Variants in PDK1 observed in about 807,000 individuals in gnomAD.
PDK1 encodes the protein [Pyruvate dehydrogenase (acetyl-transferring)] kinase isozyme 1, mitochondrial.
PDK1 carries 39 observed loss-of-function variants against 54.2 expected under a neutral mutation model. That is an observed-to-expected ratio of 0.72 (90% CI 0.56 to 0.94). The LOEUF (loss-of-function observed/expected upper bound fraction) is 0.94, where lower values mean the gene tolerates loss of function less well. Ranked by LOEUF, PDK1 falls within the 40% of genes least tolerant of loss-of-function variation. The pLI is 0.00. For synonymous variants in PDK1, 221 were observed against 207.1 expected (o/e 1.07, Z -0.58); for missense variants, 552 against 566.0 (o/e 0.98, Z 0.25).
intron 8 of PDK1, among the ~76,000 whole-genome samples, chr2:172,575,867 T>A (rs1350337008): frequency 1.3e-5 from 2 of 152,160 alleles, no homozygotes; most frequent in Non-Finnish European, 2.9e-5. Context: ...ATACATTTGA[T>A]ATCTATTTAG....
the PDK1 span, among the ~76,000 whole-genome samples, chr2:172,662,493 C>CGTGTGTGTGTGTGTGTGTGTGT: frequency 0.073 from 10,519 of 143,452 alleles, 577 homozygotes; most frequent in Middle Eastern, 0.11. Flanking sequence ...TTTTTAAAAT[C>CGTGTGTGTGTGTGTGTGTGTGT]GTGTGTGTGT....
chr2:172,565,591 G>A lies in PDK1; in HGVS notation c.691+518G>A, dbSNP rs146329516. On this transcript the variant is annotated intron_variant, in intron 5 of 10. Transcript: ENST00000282077. The stretch of plus-strand genomic sequence containing the variant: ...GCTGGGATTACAGGCGTGAGCCACC[G>A]AGCCCAGCTGAGGGTATCTTTCACT... 1.2e-3 allele frequency among the ~76,000 whole-genome samples: 189 copies of A among 152,144 alleles called. 1 individual carries two copies. The highest frequency in any genetic ancestry group is 4.3e-3 in the African/African-American group (177 of 41,500).
intron 5 of PDK1, 110 bp from the exon 6 acceptor site, chr2:172,566,746 C>A: frequency 1.0e-4 from 35 of 342,826 alleles, no homozygotes; most frequent in Non-Finnish European, 1.3e-4. Flanking sequence ...AGTATATTTT[C>A]TTCTGTAGAG....
chr2:172,664,703 A>T, the PDK1 span, among the ~76,000 whole-genome samples: 1 of 151,430 alleles, frequency 6.6e-6, no homozygotes, highest in Non-Finnish European at 1.5e-5. Flanking sequence ...CATGTCTGCT[A>T]CTCTTCTTCT....
At chr2:172,611,493 A>T (rs1691459586), downstream of PDK1, among the ~76,000 whole-genome samples, 1 of 152,356 alleles carries the variant, frequency 6.6e-6, no homozygotes, top group East Asian at 1.9e-4. Context: ...TGTAAAAAAA[A>T]ATTAATGTTG....
Position 172,570,818 on chromosome 2 carries a change from T to C in PDK1, c.939T>C (p.Thr313=), listed in dbSNP as rs2149231187. 5 of 1,583,724 alleles carry C rather than the reference T, an allele frequency of 3.2e-6. No homozygotes were observed. Among genetic ancestry groups the C allele is most frequent in the Non-Finnish European group, 4.3e-6 (5 of 1,154,866 alleles). The part of the protein sequence containing the change: ...VHVTLGNEDL[T]VKMSDRGGGV... Reference sequence around the variant, plus strand: ...TCACGCTGGGTAATGAGGATTTGACTGTGAAGGTAAATGTGTTTAATGGTT... The same window carrying C: ...TCACGCTGGGTAATGAGGATTTGACCGTGAAGGTAAATGTGTTTAATGGTT... The change falls in exon 8 of 11, where the codon ACT becomes ACC. Residue 313 remains threonine (T), a synonymous_variant. Coordinates refer to ENST00000282077, the MANE Select transcript of PDK1 (RefSeq NM_002610.5).
At chr2:172,615,814 G>GAA in the PDK1 span, among the ~76,000 whole-genome samples, 1 of 152,174 alleles carries the variant, frequency 6.6e-6, no homozygotes, top group African/African-American at 2.4e-5. Flanking sequence ...CAAGGTTAGG[G>GAA]AAGTAGAGCT....
chr2:172,650,678 A>T, the PDK1 span, among the ~76,000 whole-genome samples: 1 of 152,218 alleles, frequency 6.6e-6, no homozygotes, highest in Non-Finnish European at 1.5e-5. Context: ...AGGGGTTGCA[A>T]TCCTAGTCTC....
chr2:172,703,498 C>T, the PDK1 span, among the ~76,000 whole-genome samples: 2 of 152,102 alleles, frequency 1.3e-5, no homozygotes, highest in African/African-American at 4.8e-5. Flanking sequence ...AGCCTTGAGT[C>T]CCTGTCCTTC....
At chr2:172,570,618 C>T (rs1363913116) in intron 7 of PDK1, 108 bp from the exon 8 acceptor site, 20 of 540,898 alleles carry the variant, frequency 3.7e-5, no homozygotes, top group Non-Finnish European at 6.1e-5. Context: ...GATTCTTTGG[C>T]ATATTTCCAT....
At chr2:172,646,769 C>CTTTTTTT in the PDK1 span, among the ~76,000 whole-genome samples, 1 of 48,388 alleles carries the variant, frequency 2.1e-5, no homozygotes, top group East Asian at 3.4e-4. Context: ...TAGAGTTTTG[C>CTTTTTTT]TCATGTTACC....
chr2:172,587,527 C>G (rs980083687), intron 9 of PDK1, among the ~76,000 whole-genome samples: 1 of 152,012 alleles, frequency 6.6e-6, no homozygotes, highest in Non-Finnish European at 1.5e-5. Context: ...AAGCTGCAGA[C>G]CTTCGCGGTG....
chr2:172,703,975 T>C, the PDK1 span, among the ~76,000 whole-genome samples: 2 of 151,930 alleles, frequency 1.3e-5, no homozygotes, highest in Non-Finnish European at 2.9e-5. Context: ...GGTTTCACCA[T>C]GTTAGCTAGG....
intron 8 of PDK1, among the ~76,000 whole-genome samples, chr2:172,581,676 C>T (rs970183984): frequency 1.2e-4 from 18 of 152,136 alleles, no homozygotes; most frequent in African/African-American, 3.6e-4. Flanking sequence ...TTTCTTCAGT[C>T]GAGCTTTGAT....
chr2:172,555,584 G>A (rs2149165452), upstream of PDK1: 1 of 152,352 alleles, frequency 6.6e-6, no homozygotes, highest in South Asian at 2.1e-4. Context: ...TCTGACCCTG[G>A]AAAATGCGTG....
the PDK1 span, among the ~76,000 whole-genome samples, chr2:172,719,371 T>TA: frequency 0.011 from 1,702 of 152,214 alleles, 16 homozygotes; most frequent in Non-Finnish European, 0.017. Context: ...TTAGCTTTAT[T>TA]AAAAAAAACT....
At chr2:172,636,367 G>C in the PDK1 span, among the ~76,000 whole-genome samples, 1 of 152,130 alleles carries the variant, frequency 6.6e-6, no homozygotes, top group Non-Finnish European at 1.5e-5. Context: ...GGGCGGGAGA[G>C]AGAGGGGGAG....
At chr2:172,614,051 G>A in the PDK1 span, among the ~76,000 whole-genome samples, 3 of 152,160 alleles carry the variant, frequency 2.0e-5, no homozygotes, top group African/African-American at 7.2e-5. Context: ...CTGTGGACAA[G>A]CAGGAGCCCT....
At chr2:172,628,295 ACTTT>A in the PDK1 span, among the ~76,000 whole-genome samples, 1 of 152,182 alleles carries the variant, frequency 6.6e-6, no homozygotes, top group South Asian at 2.1e-4. Context: ...CCAATAAAAC[ACTTT>A]CTTCTGTTGC....
Sources: gnomAD v4.1 joint callset for allele counts (sites outside exome capture counted in the v4.1 genomes callset) on GRCh38, gnomAD v4.1.1 for gene constraint, MANE v1.5 for transcripts, NCBI Gene and HGNC (gene_info 2026-07-23, HGNC 2026-07-21) for gene names.